PXDNL: variants seen among roughly 807,000 people sequenced by gnomAD.
The protein encoded by PXDNL is probable oxidoreductase PXDNL.
Under a neutral mutation model 150.8 loss-of-function variants are expected in PXDNL, and 145 were observed. The ratio of observed to expected loss-of-function variants is 0.96; its 90% confidence interval spans 0.84 to 1.10. PXDNL has a LOEUF of 1.10. Ranked by LOEUF, PXDNL falls within the 50% of genes least tolerant of loss-of-function variation. The pLI is 0.00. For missense variants in PXDNL, 2,087 were observed against 1,873.9 expected (o/e 1.11, Z -2.10); for synonymous variants, 757 against 725.7 (o/e 1.04, Z -0.69).
intron 2 of PXDNL, among the ~76,000 whole-genome samples, chr8:51,624,304 T>C (rs541169240): frequency 1.5e-4 from 23 of 152,150 alleles, no homozygotes; most frequent in Non-Finnish European, 2.4e-4. Flanking sequence ...CCAGGAGTAA[T>C]TCATCCAACC....
At position 51,377,143 on chromosome 8, in the gene PXDNL, C is replaced by CACACACAA. The variant is rs966278135; in HGVS notation, c.3558-2413_3558-2412insTTGTGTGT. The stretch of plus-strand genomic sequence containing the variant: ...ACACACACACACACACACACACACA[C>CACACACAA]AAAGCCAAAGCCATTTCTGGACACT... On this transcript the variant is annotated intron_variant, in intron 17 of 22. Coordinates refer to ENST00000356297, the MANE Select transcript of PXDNL (RefSeq NM_144651.5). 1.3e-3 allele frequency among the ~76,000 whole-genome samples: 200 copies of CACACACAA among 149,352 alleles called. 2 individuals are homozygous for CACACACAA. The highest frequency in any genetic ancestry group is 5.0e-3 in the African/African-American group (195 of 39,240).
chr8:51,706,687 T>C (rs1329652306), intron 1 of PXDNL, among the ~76,000 whole-genome samples: 1 of 152,202 alleles, frequency 6.6e-6, no homozygotes, highest in Non-Finnish European at 1.5e-5. Flanking sequence ...AGAGACTAAT[T>C]TTTAACATCT....
At chr8:51,513,817 C>T (rs893653511) in intron 4 of PXDNL, among the ~76,000 whole-genome samples, 3 of 152,138 alleles carry the variant, frequency 2.0e-5, no homozygotes, top group African/African-American at 7.2e-5. Flanking sequence ...CTACAATGTT[C>T]TAAATATTCT....
chr8:51,720,962 C>G (rs187343860), intron 1 of PXDNL, among the ~76,000 whole-genome samples: 56 of 152,196 alleles, frequency 3.7e-4, no homozygotes, highest in Non-Finnish European at 7.6e-4. Context: ...CATTTTCCTC[C>G]CAAAGCTGTC....
intron 1 of PXDNL, among the ~76,000 whole-genome samples, chr8:51,775,794 G>A (rs1306664253): frequency 6.6e-6 from 1 of 152,116 alleles, no homozygotes; most frequent in Non-Finnish European, 1.5e-5. Flanking sequence ...TTGAAAGCTG[G>A]GCACCTTGAA....
intron 4 of PXDNL, among the ~76,000 whole-genome samples, chr8:51,554,595 A>G (rs1474103211): frequency 1.3e-5 from 2 of 152,150 alleles, no homozygotes; most frequent in South Asian, 4.1e-4. Context: ...CAGCTCCTTC[A>G]ACGTTTTGCT....
At chr8:51,709,780 A>G (rs1264126850) in intron 1 of PXDNL, among the ~76,000 whole-genome samples, 3 of 152,248 alleles carry the variant, frequency 2.0e-5, no homozygotes, top group African/African-American at 7.2e-5. Flanking sequence ...ATGTACCAAC[A>G]TCATTTACAT....
intron 12 of PXDNL, among the ~76,000 whole-genome samples, chr8:51,433,105 A>C (rs968380887): frequency 2.0e-5 from 3 of 151,970 alleles, no homozygotes; most frequent in Non-Finnish European, 4.4e-5. Context: ...GCTACTGAGG[A>C]AGCTGAGCCA....
chr8:51,718,450 T>C (rs769173474), intron 1 of PXDNL, among the ~76,000 whole-genome samples: 11 of 152,246 alleles, frequency 7.2e-5, no homozygotes, highest in Non-Finnish European at 1.3e-4. Flanking sequence ...GCATATACTT[T>C]CCAGCATTCA....
At chr8:51,654,795 A>G in intron 1 of PXDNL, 35 bp from the exon 2 acceptor site, 2 of 1,505,384 alleles carry the variant, frequency 1.3e-6, no homozygotes, top group Non-Finnish European at 1.8e-6. Flanking sequence ...CGATTATAAT[A>G]TGTTGACTGC....
chr8:51,664,760 G>T (rs1815346439), intron 1 of PXDNL, among the ~76,000 whole-genome samples: 1 of 151,996 alleles, frequency 6.6e-6, no homozygotes, highest in African/African-American at 2.4e-5. Flanking sequence ...GCGCTCCCAG[G>T]TGCCCTGCGG....
At chr8:51,360,550 C>T (rs1806699967) in intron 19 of PXDNL, among the ~76,000 whole-genome samples, 2 of 152,248 alleles carry the variant, frequency 1.3e-5, no homozygotes, top group Non-Finnish European at 2.9e-5. Flanking sequence ...CTCATGCATA[C>T]ACATACCTAT....
At chr8:51,564,609 G>A (rs929551150) in intron 3 of PXDNL, among the ~76,000 whole-genome samples, 5 of 151,444 alleles carry the variant, frequency 3.3e-5, no homozygotes, top group African/African-American at 7.3e-5. Flanking sequence ...TGAGTCCACC[G>A]AGATAAGGGA....
intron 2 of PXDNL, among the ~76,000 whole-genome samples, chr8:51,638,201 C>T (rs1814650301): frequency 3.9e-5 from 6 of 152,100 alleles, no homozygotes; most frequent in African/African-American, 1.4e-4. Context: ...CTGAAGGAAG[C>T]ACTAAACATG....
chr8:51,745,523 T>C (rs766361733), intron 1 of PXDNL, among the ~76,000 whole-genome samples: 3 of 152,200 alleles, frequency 2.0e-5, no homozygotes, highest in Non-Finnish European at 4.4e-5. Context: ...AAGTATGAAC[T>C]AAAGCAGCAG....
At chr8:51,667,437 G>C (rs1017728889) in intron 1 of PXDNL, among the ~76,000 whole-genome samples, 1 of 152,108 alleles carries the variant, frequency 6.6e-6, no homozygotes, top group East Asian at 1.9e-4. Context: ...AACTTTACAC[G>C]TGGTGAAAAC....
At chr8:51,580,984 A>G (rs1247448502) in intron 3 of PXDNL, among the ~76,000 whole-genome samples, 2 of 152,160 alleles carry the variant, frequency 1.3e-5, no homozygotes, top group African/African-American at 4.8e-5. Flanking sequence ...CTCTTTTCGC[A>G]AACCTGAAAA....
intron 1 of PXDNL, among the ~76,000 whole-genome samples, chr8:51,803,064 G>C (rs574060641): frequency 6.6e-6 from 1 of 152,206 alleles, no homozygotes; most frequent in East Asian, 1.9e-4. Context: ...TCTCCCTTTG[G>C]GGCCAGAAGC....
intron 2 of PXDNL, among the ~76,000 whole-genome samples, chr8:51,593,839 G>A (rs1813502488): frequency 6.6e-6 from 1 of 152,212 alleles, no homozygotes; most frequent in African/African-American, 2.4e-5. Context: ...TGCATTGGAG[G>A]TGATGCCATA....
Sources: allele counts gnomAD v4.1 joint callset (sites outside exome capture counted in the v4.1 genomes callset), GRCh38; gene constraint gnomAD v4.1.1; transcripts MANE v1.5; gene names NCBI Gene and HGNC (gene_info 2026-07-23, HGNC 2026-07-21).